Variants in CACNA2D2 observed in about 807,000 individuals in gnomAD.
CACNA2D2 encodes voltage-dependent calcium channel subunit alpha-2/delta-2.
A neutral mutation model predicts 166.4 loss-of-function variants in CACNA2D2; 48 were observed. The observed-to-expected ratio is 0.29, with a 90% CI of 0.23 to 0.37. The LOEUF (loss-of-function observed/expected upper bound fraction) is 0.37, where lower values mean the gene tolerates loss of function less well. Ranked by LOEUF, CACNA2D2 falls within the 10% of genes least tolerant of loss-of-function variation. The pLI is 1.00. For missense variants in CACNA2D2, 1,122 were observed against 1,433.0 expected, an observed-to-expected ratio of 0.78 and a Z score of 3.50; for synonymous variants, 561 against 573.7, an observed-to-expected ratio of 0.98 and a Z score of 0.32.
intron 2 of CACNA2D2, among the ~76,000 whole-genome samples, chr3:50,435,305 G>A (rs932468901): frequency 9.9e-5 from 15 of 151,960 alleles, no homozygotes; most frequent in African/African-American, 2.9e-4. Context: ...GTGTGCGTGT[G>A]CGTGTGCGTG....
intron 1 of CACNA2D2, among the ~76,000 whole-genome samples, chr3:50,496,568 G>T (rs1698733553): frequency 6.6e-6 from 1 of 152,244 alleles, no homozygotes; most frequent in Non-Finnish European, 1.5e-5. Flanking sequence ...GGGGATAGTG[G>T]CTGGCACTTG....
chr3:50,373,009 G>A lies in CACNA2D2; in HGVS notation c.1984+1728C>T, dbSNP rs1252955582. Reference sequence around the variant, plus strand: ...TGGGCAGGGAGGGGGGCAAGCAGGGGCGTGAGGATGGGAGGGGTGGGAAGA... The same window carrying A: ...TGGGCAGGGAGGGGGGCAAGCAGGGACGTGAGGATGGGAGGGGTGGGAAGA... On this transcript the variant is annotated intron_variant, in intron 22 of 37. Coordinates refer to ENST00000424201, the MANE Select transcript of CACNA2D2 (RefSeq NM_006030.4). 4 of 1,452,284 alleles carry A rather than the reference G, an allele frequency of 2.8e-6. No individual in the cohort carries two copies. The Admixed American group carries it at 7.9e-5, about 29-fold the overall frequency. The allele number at this position is 1,452,284 out of a possible 1,614,324, so 90.0% of individuals were successfully genotyped here.
intron 2 of CACNA2D2, among the ~76,000 whole-genome samples, chr3:50,459,158 G>A (rs1262881263): frequency 6.6e-6 from 1 of 152,204 alleles, no homozygotes; most frequent in Non-Finnish European, 1.5e-5. Flanking sequence ...TAATTACAGG[G>A]CAGTCACACA....
At chr3:50,378,200 G>A (rs587727641) in intron 14 of CACNA2D2, 84 bp downstream of exon 14, 12 of 1,555,946 alleles carry the variant, frequency 7.7e-6, no homozygotes, top group African/African-American at 2.7e-5. Context: ...GTGAGGGGGC[G>A]CCCTTGGCCC....
intron 2 of CACNA2D2, among the ~76,000 whole-genome samples, chr3:50,456,188 G>A (rs1395699044): frequency 6.6e-6 from 1 of 152,234 alleles, no homozygotes; most frequent in Non-Finnish European, 1.5e-5. Context: ...TGGTAGACAA[G>A]GGCTGTGTGC....
intron 1 of CACNA2D2, among the ~76,000 whole-genome samples, chr3:50,477,722 GGGTACA>G (rs765504961): frequency 6.6e-5 from 10 of 152,220 alleles, no homozygotes; most frequent in Non-Finnish European, 1.5e-4. Context: ...ACAGCCCACA[GGGTACA>G]GTAGGGGCAG....
intron 1 of CACNA2D2, among the ~76,000 whole-genome samples, chr3:50,497,510 G>A (rs1173831230): frequency 6.6e-6 from 1 of 152,216 alleles, no homozygotes. Flanking sequence ...AGCAGGTCCA[G>A]ACCAGATGCA....
chr3:50,463,366 A>G (rs1221044143), intron 2 of CACNA2D2, among the ~76,000 whole-genome samples: 1 of 152,138 alleles, frequency 6.6e-6, no homozygotes, highest in Non-Finnish European at 1.5e-5. Context: ...CAGAGGCACA[A>G]TCACAGGTCA....
intron 2 of CACNA2D2, among the ~76,000 whole-genome samples, chr3:50,437,711 C>T (rs1366228519): frequency 6.6e-6 from 1 of 152,114 alleles, no homozygotes; most frequent in East Asian, 1.9e-4. Context: ...CACCTGCAGG[C>T]CCAGCAGGAG....
intron 3 of CACNA2D2, among the ~76,000 whole-genome samples, chr3:50,409,645 C>G (rs1458555941): frequency 1.3e-5 from 2 of 152,228 alleles, no homozygotes; most frequent in Admixed American, 1.3e-4. Flanking sequence ...AAACTGAGTT[C>G]AGAGGTGGTT....
At chr3:50,385,050 C>T (rs1235045374) in intron 5 of CACNA2D2, among the ~76,000 whole-genome samples, 1 of 152,200 alleles carries the variant, frequency 6.6e-6, no homozygotes, top group African/African-American at 2.4e-5. Context: ...CCAATTATGG[C>T]ATCTCACGGC....
At chr3:50,382,957 C>A (rs1705403407) in intron 6 of CACNA2D2, among the ~76,000 whole-genome samples, 1 of 152,264 alleles carries the variant, frequency 6.6e-6, no homozygotes, top group Non-Finnish European at 1.5e-5. Context: ...GCCTGCTACT[C>A]AGCCCCATGC....
chr3:50,381,853 C>T (rs1247459352), intron 6 of CACNA2D2, among the ~76,000 whole-genome samples: 1 of 152,134 alleles, frequency 6.6e-6, no homozygotes, highest in Non-Finnish European at 1.5e-5. Context: ...CATGCCTACA[C>T]ACCACTCTGC....
chr3:50,431,330 C>A (rs554126060), intron 3 of CACNA2D2, among the ~76,000 whole-genome samples: 103 of 152,226 alleles, frequency 6.8e-4, no homozygotes, highest in African/African-American at 2.3e-3. Context: ...GATCCTCCCC[C>A]TCCTCTGGGG....
At chr3:50,473,812 C>T (rs1192266702) in intron 2 of CACNA2D2, among the ~76,000 whole-genome samples, 1 of 152,198 alleles carries the variant, frequency 6.6e-6, no homozygotes, top group Admixed American at 6.5e-5. Flanking sequence ...CACCAGAGTG[C>T]CCCGTGCCAA....
Position 50,379,212 on chromosome 3 carries a change from A to G in CACNA2D2, c.1153-13T>C, listed in dbSNP as rs760875311. 1 of 1,600,718 alleles carries G rather than the reference A, an allele frequency of 6.2e-7. No individual in the cohort carries two copies. The highest frequency in any genetic ancestry group is 1.1e-5 in the South Asian group (1 of 90,756). ...GAGTGATGTTGGACTGAGGGGAGTG[A>G]GGCGGAGGCAGGCAGCTCTCAGCCC... On this transcript the variant is annotated splice_polypyrimidine_tract_variant and intron_variant, in intron 11 of 37. Coordinates refer to ENST00000424201, the MANE Select transcript of CACNA2D2 (RefSeq NM_006030.4). The surrounding 1 kb of genome is among the most constrained non-coding windows in gnomAD (Gnocchi z 6.5).
At chr3:50,378,705 A>G (rs1705121998) in intron 13 of CACNA2D2, among the ~76,000 whole-genome samples, 1 of 152,214 alleles carries the variant, frequency 6.6e-6, no homozygotes. Flanking sequence ...ACGGTTGGAC[A>G]ATGGACAGAC....
intron 2 of CACNA2D2, among the ~76,000 whole-genome samples, chr3:50,452,349 G>C (rs1056658425): frequency 1.3e-5 from 2 of 152,240 alleles, no homozygotes; most frequent in African/African-American, 2.4e-5. Flanking sequence ...CTCCATCTCA[G>C]AGTCTGACTC....
chr3:50,404,324 C>A (rs766005577), intron 3 of CACNA2D2, among the ~76,000 whole-genome samples: 9 of 152,184 alleles, frequency 5.9e-5, no homozygotes, highest in Non-Finnish European at 8.8e-5. Flanking sequence ...TCCAGGACCA[C>A]AACTCCACTC....
Sources: gnomAD v4.1 joint callset for allele counts (sites outside exome capture counted in the v4.1 genomes callset) on GRCh38, gnomAD v4.1.1 for gene constraint, Gnocchi (gnomAD v3.1) non-coding constraint, MANE v1.5 for transcripts, NCBI Gene and HGNC (gene_info 2026-07-23, HGNC 2026-07-21) for gene names.